The following DCHS2 variants were observed in gnomAD, a reference collection of about 807,000 sequenced individuals.
DCHS2 encodes the protein dachsous cadherin-related 2, also known as protocadherin-23.
DCHS2 carries 142 observed loss-of-function variants against 182.4 expected under a neutral mutation model. The observed-to-expected ratio is 0.78, with a 90% CI of 0.68 to 0.89. The LOEUF (loss-of-function observed/expected upper bound fraction) is 0.89. DCHS2 is among the 40% of genes least tolerant of loss of function. The pLI is 0.00. For synonymous variants in DCHS2, 1,740 were observed against 1,663.3 expected (o/e 1.05, Z -1.12); for missense variants, 4,319 against 4,198.6 (o/e 1.03, Z -0.79).
At chr4:154,301,390 T>C (rs1048567656) in intron 12 of DCHS2, among the ~76,000 whole-genome samples, 21 of 152,222 alleles carry the variant, frequency 1.4e-4, no homozygotes, top group African/African-American at 4.8e-4. Context: ...AATACTTCCA[T>C]TTTTAAAAAG....
At chr4:154,313,088 T>C (rs1051732236) in intron 10 of DCHS2, among the ~76,000 whole-genome samples, 2 of 152,186 alleles carry the variant, frequency 1.3e-5, no homozygotes, top group African/African-American at 2.4e-5. Flanking sequence ...CATCCACTAA[T>C]GAATTCTATA....
chr4:154,362,284 G>A (rs1020448530), intron 3 of DCHS2, among the ~76,000 whole-genome samples: 1 of 152,072 alleles, frequency 6.6e-6, no homozygotes, highest in Non-Finnish European at 1.5e-5. Flanking sequence ...GGAAACGTGG[G>A]GATAGGCCAT....
intron 1 of DCHS2, among the ~76,000 whole-genome samples, chr4:154,453,473 G>T (rs529846574): frequency 2.4e-4 from 37 of 152,238 alleles, no homozygotes; most frequent in African/African-American, 7.5e-4. Flanking sequence ...GCCTCCAGCT[G>T]CCATGCCTTC....
intron 10 of DCHS2, among the ~76,000 whole-genome samples, chr4:154,309,729 T>C (rs1735597176): frequency 6.6e-6 from 1 of 152,176 alleles, no homozygotes; most frequent in Admixed American, 6.5e-5. Context: ...TCCTTAACCA[T>C]GGGAAATGGA....
intron 13 of DCHS2, among the ~76,000 whole-genome samples, chr4:154,270,836 A>G (rs527993233): frequency 4.6e-5 from 7 of 152,104 alleles, no homozygotes; most frequent in Non-Finnish European, 7.4e-5. Flanking sequence ...GAGAGCATAA[A>G]GAAAAGAAAT....
chr4:154,406,785 G>C (rs1732420267), intron 1 of DCHS2, among the ~76,000 whole-genome samples: 1 of 152,094 alleles, frequency 6.6e-6, no homozygotes, highest in African/African-American at 2.4e-5. Flanking sequence ...TATTGTGTTG[G>C]ACAACATTGT....
At position 154,373,817 on chromosome 4, in the gene DCHS2, T is replaced by C. The variant is rs1579020017; in HGVS notation, c.2244+3436A>G. ...AAAATCACAGCCAAGATGGAGAAGG[T>C]GTGCAAGCACTCAGGGGAGAAGGAA... On this transcript the variant is annotated intron_variant, in intron 2 of 19. Coordinates refer to ENST00000357232, the MANE Select transcript of DCHS2 (RefSeq NM_001358235.2). 10 of 873,010 alleles carry C rather than the reference T, an allele frequency of 1.1e-5. No individual in the cohort carries two copies. The East Asian group carries it at 2.5e-4, about 22-fold the overall frequency. 54.1% of individuals were successfully genotyped at this position (873,010 alleles called of 1,614,324 possible).
chr4:154,402,263 G>T (rs1322062591), intron 1 of DCHS2, among the ~76,000 whole-genome samples: 3 of 152,056 alleles, frequency 2.0e-5, no homozygotes, highest in Non-Finnish European at 2.9e-5. Flanking sequence ...TGCTTATTCT[G>T]CACTCTCTTG....
At chr4:154,380,563 C>T (rs916280372) in intron 1 of DCHS2, among the ~76,000 whole-genome samples, 2 of 152,090 alleles carry the variant, frequency 1.3e-5, no homozygotes, top group African/African-American at 2.4e-5. Context: ...TTTAATAGTA[C>T]ATATTAATAA....
intron 1 of DCHS2, among the ~76,000 whole-genome samples, chr4:154,395,542 A>G (rs1731894172): frequency 6.6e-6 from 1 of 152,308 alleles, no homozygotes; most frequent in East Asian, 1.9e-4. Context: ...AAGATCTACA[A>G]GGAGAGAGAC....
chr4:154,343,761 C>G (rs981289300), intron 3 of DCHS2: 1 of 1,022,488 alleles, frequency 9.8e-7, no homozygotes, highest in African/African-American at 1.7e-5. Flanking sequence ...CAATGAGTCT[C>G]TTTTGCTTTC....
chr4:154,264,717 T>A (rs1733158709), intron 14 of DCHS2, among the ~76,000 whole-genome samples: 1 of 152,096 alleles, frequency 6.6e-6, no homozygotes, highest in Admixed American at 6.6e-5. Flanking sequence ...AATAAGTACA[T>A]TTTTAACTAC....
At chr4:154,256,250 G>T (rs1190748938) in intron 15 of DCHS2, among the ~76,000 whole-genome samples, 1 of 152,088 alleles carries the variant, frequency 6.6e-6, no homozygotes, top group Non-Finnish European at 1.5e-5. Context: ...GGGCTTAAGT[G>T]ATCCTCCCAC....
In DCHS2 at chr4:154,489,972, G is replaced by C; in HGVS notation, c.1384C>G (p.Leu462Val). 1 of 1,548,314 alleles carries C rather than the reference G, an allele frequency of 6.5e-7. No homozygotes were observed. Among genetic ancestry groups the C allele is most frequent in the Non-Finnish European group, 8.7e-7 (1 of 1,145,226 alleles). ...DEATGELGVG[L>V]GDGSISLSLE... is the part of the protein sequence containing the mutation. ...GACAGAGAGATGCTCCCGTCTCCAA[G>C]ACCCACACCAAGCTCCCCTGTGGCC... Residue 462 changes from leucine to valine, a missense_variant, in exon 1 of 20, where the codon CTT becomes GTT. Coordinates refer to ENST00000357232, the MANE Select transcript of DCHS2 (RefSeq NM_001358235.2).
chr4:154,458,888 A>C (rs1734883541), intron 1 of DCHS2, among the ~76,000 whole-genome samples: 1 of 152,214 alleles, frequency 6.6e-6, no homozygotes, highest in African/African-American at 2.4e-5. Flanking sequence ...ATGCATACAC[A>C]GCAGAGTTAA....
intron 1 of DCHS2, among the ~76,000 whole-genome samples, chr4:154,416,040 A>G (rs1414784969): frequency 6.6e-6 from 1 of 152,230 alleles, no homozygotes; most frequent in Non-Finnish European, 1.5e-5. Flanking sequence ...AAATAAACAT[A>G]TACTGGAGAT....
chr4:154,369,524 C>G (rs1331802716), intron 2 of DCHS2, among the ~76,000 whole-genome samples: 1 of 152,182 alleles, frequency 6.6e-6, no homozygotes, highest in Non-Finnish European at 1.5e-5. Context: ...CTCATGGAAA[C>G]TGTTTCGATA....
At chr4:154,483,800 C>G (rs761485454) in intron 1 of DCHS2, among the ~76,000 whole-genome samples, 3 of 152,126 alleles carry the variant, frequency 2.0e-5, no homozygotes, top group Non-Finnish European at 4.4e-5. Context: ...GACCTGCCCC[C>G]CAACATCATA....
chr4:154,286,534 G>A (rs1734406326), intron 13 of DCHS2, among the ~76,000 whole-genome samples: 1 of 151,872 alleles, frequency 6.6e-6, no homozygotes, highest in African/African-American at 2.4e-5. Flanking sequence ...AATTCAAGCA[G>A]AAATTCTGGA....
Sources: gnomAD v4.1 joint callset for allele counts (sites outside exome capture counted in the v4.1 genomes callset) on GRCh38, gnomAD v4.1.1 for gene constraint, MANE v1.5 for transcripts, NCBI Gene and HGNC (gene_info 2026-07-23, HGNC 2026-07-21) for gene names.